Variants in LSAMP observed in about 807,000 individuals in gnomAD.
LSAMP encodes the protein limbic system-associated membrane protein.
In LSAMP, 7 loss-of-function variants were observed where a neutral mutation model predicts 38.6. The observed-to-expected ratio is 0.18, with a 90% CI of 0.10 to 0.34. LSAMP has a LOEUF of 0.34. Ranked by LOEUF, LSAMP falls within the 10% of genes least tolerant of loss-of-function variation. LSAMP has a pLI of 1.00. For missense variants in LSAMP, 313 were observed against 420.0 expected (o/e 0.75, Z 2.23); for synonymous variants, 154 against 166.8 (o/e 0.92, Z 0.59).
intron 1 of LSAMP, among the ~76,000 whole-genome samples, chr3:116,332,960 A>C (rs1256116250): frequency 1.3e-5 from 2 of 152,112 alleles, no homozygotes; most frequent in Admixed American, 6.6e-5. Flanking sequence ...ATAAACATAT[A>C]ACTAATATTA....
At chr3:116,021,080 C>T (rs1940625804) in intron 2 of LSAMP, among the ~76,000 whole-genome samples, 1 of 152,100 alleles carries the variant, frequency 6.6e-6, no homozygotes, top group Non-Finnish European at 1.5e-5. Context: ...AGGACCCTCT[C>T]CACCTCAGCA....
chr3:116,224,476 A>G (rs1012310111), intron 1 of LSAMP, among the ~76,000 whole-genome samples: 1 of 152,246 alleles, frequency 6.6e-6, no homozygotes, highest in African/African-American at 2.4e-5. Flanking sequence ...AATCTGATAG[A>G]AGGATACAGA....
chr3:116,019,650 C>T lies in LSAMP; in HGVS notation c.389-10G>A. 3 of 1,609,940 alleles carry T rather than the reference C, an allele frequency of 1.9e-6. No individual in the cohort carries two copies. The highest frequency in any genetic ancestry group is 2.5e-6 in the Non-Finnish European group (3 of 1,177,232). Reference sequence around the variant, plus strand: ...GAGATCTTTGGTGGGACTGTGAAAACAAAAGGAAATGGAATATGTAACCAT... The same window carrying T: ...GAGATCTTTGGTGGGACTGTGAAAATAAAAGGAAATGGAATATGTAACCAT... On this transcript the variant is annotated splice_polypyrimidine_tract_variant and intron_variant, in intron 2 of 6. Coordinates refer to ENST00000490035, the MANE Select transcript of LSAMP (RefSeq NM_002338.5).
intron 1 of LSAMP, among the ~76,000 whole-genome samples, chr3:116,156,303 T>A (rs61244371): frequency 0.033 from 5,002 of 152,270 alleles, 213 homozygotes; most frequent in African/African-American, 0.099. Context: ...GCTGAAATCC[T>A]AACGTTGAGT....
chr3:116,418,488 TG>T (rs1215795189), intron 1 of LSAMP, among the ~76,000 whole-genome samples: 10 of 143,758 alleles, frequency 7.0e-5, no homozygotes, highest in South Asian at 4.2e-4. Context: ...ATATTTCTCA[TG>T]TTTTTTTTTA....
At chr3:116,175,558 TATCAATAAACATTGATATCA>T (rs1449118532) in intron 1 of LSAMP, among the ~76,000 whole-genome samples, 16 of 152,050 alleles carry the variant, frequency 1.1e-4, no homozygotes, top group Non-Finnish European at 2.2e-4. Context: ...GAAGTATAAA[TATCAATAAACATTGATATCA>T]ATCAATAAAC....
chr3:115,860,720 C>T (rs1445882553), intron 3 of LSAMP, among the ~76,000 whole-genome samples: 1 of 152,086 alleles, frequency 6.6e-6, no homozygotes, highest in Non-Finnish European at 1.5e-5. Context: ...CAGCAACCAG[C>T]AAAGGAGCTA....
chr3:116,026,708 C>T (rs1307140180), intron 2 of LSAMP, among the ~76,000 whole-genome samples: 2 of 152,164 alleles, frequency 1.3e-5, no homozygotes, highest in Non-Finnish European at 2.9e-5. Flanking sequence ...CTCTTGTTGG[C>T]AGACTGTGTT....
intron 1 of LSAMP, among the ~76,000 whole-genome samples, chr3:116,350,532 C>T (rs1288344548): frequency 6.6e-6 from 1 of 151,972 alleles, no homozygotes; most frequent in African/African-American, 2.4e-5. Flanking sequence ...ATAAATTATC[C>T]CTTTGTCCTG....
At chr3:116,004,185 TA>T (rs1185526299) in intron 3 of LSAMP, among the ~76,000 whole-genome samples, 1 of 152,130 alleles carries the variant, frequency 6.6e-6, no homozygotes, top group African/African-American at 2.4e-5. Context: ...TTCAATATAA[TA>T]TTCAGTGTGG....
chr3:115,821,899 T>A (rs1216718949), intron 6 of LSAMP, among the ~76,000 whole-genome samples: 1 of 152,244 alleles, frequency 6.6e-6, no homozygotes, highest in Non-Finnish European at 1.5e-5. Flanking sequence ...GGTTTTGCCC[T>A]CTGACTTCTG....
chr3:116,164,503 AGT>A (rs1222273920), intron 1 of LSAMP, among the ~76,000 whole-genome samples: 1 of 148,432 alleles, frequency 6.7e-6, no homozygotes, highest in Non-Finnish European at 1.5e-5. Context: ...CGAAGATAAG[AGT>A]GTGGAGAATA....
At chr3:116,350,941 AT>A (rs1357762649) in intron 1 of LSAMP, among the ~76,000 whole-genome samples, 1 of 152,008 alleles carries the variant, frequency 6.6e-6, no homozygotes, top group Non-Finnish European at 1.5e-5. Context: ...AAATTTGTGG[AT>A]TTGGTATCAT....
intron 1 of LSAMP, among the ~76,000 whole-genome samples, chr3:116,269,113 C>T (rs2046935037): frequency 6.6e-6 from 1 of 152,060 alleles, no homozygotes; most frequent in Admixed American, 6.6e-5. Flanking sequence ...TCCCCTCCCA[C>T]ACACCAAGCA....
chr3:115,961,348 A>G (rs1024634254), intron 3 of LSAMP, among the ~76,000 whole-genome samples: 10 of 152,240 alleles, frequency 6.6e-5, no homozygotes. Flanking sequence ...GAGAAACTGG[A>G]GGACACTGCC....
Position 116,348,222 on chromosome 3 carries a change from T to C in LSAMP, c.155+96655A>G, listed in dbSNP as rs149262787. On this transcript the variant is annotated intron_variant, in intron 1 of 6. Transcript: ENST00000490035. ...CATTCACGACCTGTTGTTTGTAATA[T>C]AGACCCCTTTGCTAAGGGATCATAC... Among the ~76,000 whole-genome samples the C allele has an allele frequency of 7.2e-5, 11 of 152,242 alleles. No individual in the cohort carries two copies. The East Asian group carries it at 1.7e-3, about 24-fold the overall frequency.
rs1187875221 is a variant in LSAMP at position 116,091,756 on chromosome 3, C to A, written c.156-5200G>T. 3.9e-5 allele frequency among the ~76,000 whole-genome samples: 6 copies of A among 152,274 alleles called. 1 individual carries two copies. The East Asian group carries it at 1.2e-3, about 29-fold the overall frequency. ...TTTAATAGAATGTTGTCTTGAGGAA[C>A]ACATGATGTTGCAAATAATTCCCAG... On this transcript the variant is annotated intron_variant, in intron 1 of 6. Transcript: ENST00000490035.
intron 1 of LSAMP, among the ~76,000 whole-genome samples, chr3:116,327,440 T>G (rs1301325989): frequency 6.6e-6 from 1 of 152,194 alleles, no homozygotes; most frequent in Non-Finnish European, 1.5e-5. Flanking sequence ...AAACATTACC[T>G]TCTTCAGGAT....
At chr3:116,027,297 C>T (rs1209645667) in intron 2 of LSAMP, among the ~76,000 whole-genome samples, 5 of 152,280 alleles carry the variant, frequency 3.3e-5, no homozygotes, top group East Asian at 1.9e-4. Context: ...GGTTAGTACA[C>T]GTCATGAAAG....
Sources: allele counts gnomAD v4.1 joint callset (sites outside exome capture counted in the v4.1 genomes callset), GRCh38; gene constraint gnomAD v4.1.1; transcripts MANE v1.5; gene names NCBI Gene and HGNC (gene_info 2026-07-23, HGNC 2026-07-21).